The following TNRC18 variants were observed in gnomAD, a reference collection of about 807,000 sequenced individuals.
TNRC18 encodes trinucleotide repeat containing 18.
TNRC18 carries 69 observed loss-of-function variants against 226.7 expected under a neutral mutation model. The ratio of observed to expected loss-of-function variants is 0.30; its 90% confidence interval spans 0.25 to 0.37. The LOEUF is 0.37. Among genes scored for constraint, TNRC18 ranks in the 10% least tolerant of loss-of-function variants. TNRC18 has a pLI of 1.00. For missense variants in TNRC18, 4,754 were observed against 4,256.6 expected (o/e 1.12, Z -3.25); for synonymous variants, 2,449 against 1,927.6 (o/e 1.27, Z -7.09).
At chr7:5,420,254 C>T (rs1782469056) in intron 2 of TNRC18, 1 of 380,316 alleles carries the variant, frequency 2.6e-6, no homozygotes, top group Admixed American at 3.2e-5. Flanking sequence ...CGGCCACCTC[C>T]TCCAGCAGCT....
In TNRC18 at chr7:5,377,810, C is replaced by A; in HGVS notation, c.2255+112G>T. On this transcript the variant is annotated intron_variant, in intron 6 of 29. Transcript: ENST00000430969. This position sits in a 1 kb window ranked among gnomAD's most constrained non-coding sequence, Gnocchi z 5.8. Reference sequence around the variant, plus strand: ...ACCAGAGTGACTCCCGCTCTCAGTACCATAGCATCCATGGTCGAGGGGCCA... The same window carrying A: ...ACCAGAGTGACTCCCGCTCTCAGTAACATAGCATCCATGGTCGAGGGGCCA... 1 of 1,122,454 alleles carries A rather than the reference C, an allele frequency of 8.9e-7. No homozygotes were observed. Among genetic ancestry groups the A allele is most frequent in the East Asian group, 2.5e-5 (1 of 39,690 alleles). 69.5% of individuals were successfully genotyped at this position (1,122,454 alleles called of 1,614,324 possible).
At chr7:5,423,107 A>T (rs536455992) in intron 1 of TNRC18, 2 of 152,314 alleles carry the variant, frequency 1.3e-5, no homozygotes, top group Admixed American at 6.5e-5. Context: ...TTTTAATTAA[A>T]AACAGCCTAT....
chr7:5,419,622 G>A (rs1215449612), intron 2 of TNRC18, among the ~76,000 whole-genome samples: 2 of 151,890 alleles, frequency 1.3e-5, no homozygotes, highest in Admixed American at 6.5e-5. Context: ...CCCTTGCCCC[G>A]GTCACAGACC....
intron 16 of TNRC18, among the ~76,000 whole-genome samples, chr7:5,352,418 T>A (rs1028509638): frequency 6.6e-6 from 1 of 152,110 alleles, no homozygotes; most frequent in African/African-American, 2.4e-5. Context: ...AGAAGCCCTA[T>A]GCTCAGGAAG....
chr7:5,311,533 A>G (rs1321520033), intron 27 of TNRC18, among the ~76,000 whole-genome samples: 1 of 152,176 alleles, frequency 6.6e-6, no homozygotes, highest in Non-Finnish European at 1.5e-5. Flanking sequence ...GCCACACACA[A>G]CAGGCTGTCA....
rs554276494 is a variant in TNRC18 at position 5,315,175 on chromosome 7, A to C, written c.6863-27T>G. On this transcript the variant is annotated intron_variant, in intron 25 of 29. Coordinates refer to ENST00000430969, the MANE Select transcript of TNRC18 (RefSeq NM_001080495.3). Reference sequence around the variant, plus strand: ...TGTGGGGCAGAGGACAGAGTGGCTCATCAGGCCTGGGGTCCCCAGCTTGGA... The same window carrying C: ...TGTGGGGCAGAGGACAGAGTGGCTCCTCAGGCCTGGGGTCCCCAGCTTGGA... The C allele has an allele frequency of 6.9e-6, 11 of 1,603,872 alleles. No individual in the cohort carries two copies. The East Asian group carries it at 2.5e-4, about 36-fold the overall frequency.
chr7:5,338,474 C>T (rs375994475), intron 18 of TNRC18, among the ~76,000 whole-genome samples: 54 of 152,060 alleles, frequency 3.6e-4, no homozygotes, highest in African/African-American at 1.2e-3. Flanking sequence ...GGCCAGGCGT[C>T]GTGGCTCAGG....
chr7:5,351,372 G>T, intron 17 of TNRC18, among the ~76,000 whole-genome samples: 1 of 152,064 alleles, frequency 6.6e-6, no homozygotes, highest in East Asian at 1.9e-4. Flanking sequence ...ACGCCCACAC[G>T]ACAGAATTCC....
At chr7:5,354,054 T>C (rs950678073) in intron 16 of TNRC18, among the ~76,000 whole-genome samples, 2 of 151,738 alleles carry the variant, frequency 1.3e-5, no homozygotes, top group Non-Finnish European at 2.9e-5. Context: ...AATAACAACA[T>C]TAGCTGGGTG....
Position 5,316,037 on chromosome 7 carries a change from T to A in TNRC18, c.6781A>T (p.Thr2261Ser). Residue 2261 changes from threonine (T) to serine (S), a missense_variant, in exon 25 of 30, where the codon ACC becomes TCC. Coordinates refer to ENST00000430969, the MANE Select transcript of TNRC18 (RefSeq NM_001080495.3). Reference sequence around the variant, plus strand: ...GTGTCTCCGTCGTCAAACTCCACGGTGATCAAGTCCCCATCGTCCTCCAGG... The same window carrying A: ...GTGTCTCCGTCGTCAAACTCCACGGAGATCAAGTCCCCATCGTCCTCCAGG... ...LDLEDDGDLI[T>S]VEFDDGDTGR... The A allele has an allele frequency of 6.2e-7, 1 of 1,608,850 alleles. No homozygotes were observed. The highest frequency in any genetic ancestry group is 8.5e-7 in the Non-Finnish European group (1 of 1,177,560).
In TNRC18 at chr7:5,324,952, C is replaced by T. The variant is rs1310945703; in HGVS notation, c.6300+144G>A. ...CTTATCCCTGGAGTGTGGGGACGGC[C>T]ACATCACCCTCGTCACCCGCAACCT... is the stretch of plus-strand genomic sequence containing the variant. On this transcript the variant is annotated intron_variant, in intron 20 of 29. Coordinates refer to ENST00000430969, the MANE Select transcript of TNRC18 (RefSeq NM_001080495.3). This position sits in a 1 kb window ranked among gnomAD's most constrained non-coding sequence, Gnocchi z 4.8. 2 of 940,436 alleles carry T rather than the reference C, an allele frequency of 2.1e-6. No individual in the cohort carries two copies. The highest frequency in any genetic ancestry group is 1.7e-5 in the African/African-American group (1 of 59,316). 58.3% of individuals were successfully genotyped at this position (940,436 alleles called of 1,614,324 possible).
At chr7:5,354,988 T>C (rs1792199412) in intron 16 of TNRC18, among the ~76,000 whole-genome samples, 1 of 152,128 alleles carries the variant, frequency 6.6e-6, no homozygotes, top group African/African-American at 2.4e-5. Flanking sequence ...CCAGAGCCAA[T>C]CAAAAGCCCC....
intron 2 of TNRC18, among the ~76,000 whole-genome samples, chr7:5,419,457 A>G (rs750399551): frequency 6.6e-6 from 1 of 152,116 alleles, no homozygotes; most frequent in Non-Finnish European, 1.5e-5. Context: ...CCCAAAAGAC[A>G]CACGCATGCA....
intron 11 of TNRC18, 85 bp from the exon 12 acceptor site, chr7:5,362,910 A>G (rs1433329917): frequency 3.7e-6 from 5 of 1,361,166 alleles, no homozygotes; most frequent in Non-Finnish European, 4.8e-6. Context: ...AAGCAAGCGC[A>G]GGCCCCAGGC....
At chr7:5,410,310 CAA>C (rs1157425008) in intron 2 of TNRC18, among the ~76,000 whole-genome samples, 2,906 of 66,074 alleles carry the variant, frequency 0.044, 49 homozygotes, top group African/African-American at 0.11. Context: ...GACTCTGTCT[CAA>C]AAAAAAAAAA....
intron 19 of TNRC18, among the ~76,000 whole-genome samples, chr7:5,328,792 G>A (rs938339863): frequency 7.9e-5 from 12 of 151,986 alleles, no homozygotes; most frequent in African/African-American, 2.9e-4. Context: ...TTACAGGTAT[G>A]AGCCATTGCG....
intron 18 of TNRC18, 85 bp from the exon 19 acceptor site, chr7:5,333,134 C>A (rs576934564): frequency 2.1e-6 from 3 of 1,450,552 alleles, no homozygotes; most frequent in East Asian, 2.5e-5. Context: ...CATTCCTCCC[C>A]GGCGGGACCT....
In TNRC18 at chr7:5,388,597, G is replaced by A. The variant is rs1780007996; in HGVS notation, c.1227C>T (p.Val409=). 1.5e-6 allele frequency: 2 copies of A among 1,299,170 alleles called. No homozygotes were observed. Among genetic ancestry groups the A allele is most frequent in the Non-Finnish European group, 2.0e-6 (2 of 1,024,452 alleles). 80.5% of individuals were successfully genotyped at this position (1,299,170 alleles called of 1,614,324 possible). A position where few individuals can be genotyped will look rare whatever the true frequency, so the allele number is the denominator to read the frequency against. Reference sequence around the variant, plus strand: ...GCGGGGAGCCGGGGGGCGCCTGCAGGACCCCTGGCCTGCCAGCCTCGCGCT... The same window carrying A: ...GCGGGGAGCCGGGGGGCGCCTGCAGAACCCCTGGCCTGCCAGCCTCGCGCT... ...AREREAGRPG[V]LQAPPGSPRP... The change falls in exon 5 of 30, where the codon GTC becomes GTT. Residue 409 remains valine (V), a synonymous_variant. Coordinates refer to ENST00000430969, the MANE Select transcript of TNRC18 (RefSeq NM_001080495.3).
chr7:5,381,943 G>C (rs922232051), intron 5 of TNRC18, among the ~76,000 whole-genome samples: 2 of 152,038 alleles, frequency 1.3e-5, no homozygotes, highest in African/African-American at 4.8e-5. Flanking sequence ...TCCAGCCTGG[G>C]CGACAGAGTG....
Sources: gnomAD v4.1 joint callset for allele counts (sites outside exome capture counted in the v4.1 genomes callset) on GRCh38, gnomAD v4.1.1 for gene constraint, Gnocchi (gnomAD v3.1) non-coding constraint, MANE v1.5 for transcripts, NCBI Gene and HGNC (gene_info 2026-07-23, HGNC 2026-07-21) for gene names.